ZSWIM5: variants seen among roughly 807,000 people sequenced by gnomAD.
The protein encoded by ZSWIM5 is zinc finger SWIM domain-containing protein 5.
ZSWIM5 carries 55 observed loss-of-function variants against 119.6 expected under a neutral mutation model. The observed-to-expected ratio is 0.46, with a 90% confidence interval of 0.37 to 0.58. The LOEUF (loss-of-function observed/expected upper bound fraction) is 0.58, where lower values mean the gene tolerates loss of function less well. Among genes scored for constraint, ZSWIM5 ranks in the 20% least tolerant of loss-of-function variants. ZSWIM5 has a pLI of 0.00. For synonymous variants in ZSWIM5, 537 were observed against 606.9 expected (o/e 0.88, Z 1.69); for missense variants, 1,193 against 1,512.8 (o/e 0.79, Z 3.51).
Position 45,044,766 on chromosome 1 carries a change from TATATATATAAATATATATATATAA to T in ZSWIM5, c.1433-1395_1433-1372del, listed in dbSNP as rs1557746431. On this transcript the variant is annotated intron_variant, in intron 5 of 13. Transcript: ENST00000359600. ...AAAAAAATATATATATATATATATA[TATATATATAAATATATATATATAA>T]ATATATATATATAAATATATATATA... Among the ~76,000 whole-genome samples the T allele has an allele frequency of 9.4e-3, 55 of 5,834 alleles. 16 individuals carry two copies. The South Asian group carries it at 0.15, about 16-fold the overall frequency. 3.8% of individuals were successfully genotyped at this position (5,834 alleles called of 152,430 possible).
intron 4 of ZSWIM5, 48 bp from the exon 5 acceptor site, chr1:45,051,301 T>C: frequency 6.7e-7 from 1 of 1,494,998 alleles, no homozygotes; most frequent in Non-Finnish European, 9.0e-7. Flanking sequence ...CTTTGATGTG[T>C]GTGTAAGCCT....
At chr1:45,102,951 C>T (rs1285745608) in intron 1 of ZSWIM5, among the ~76,000 whole-genome samples, 2 of 152,058 alleles carry the variant, frequency 1.3e-5, no homozygotes, top group Non-Finnish European at 2.9e-5. Context: ...CAACTTCGAC[C>T]TTCAGGGTCA....
intron 2 of ZSWIM5, among the ~76,000 whole-genome samples, chr1:45,087,547 T>C (rs975625772): frequency 2.0e-5 from 3 of 152,246 alleles, no homozygotes; most frequent in African/African-American, 7.2e-5. Flanking sequence ...CAAATTATTT[T>C]GTGCTTTCTT....
At chr1:45,195,494 A>G (rs1313764642) in intron 1 of ZSWIM5, among the ~76,000 whole-genome samples, 1 of 152,162 alleles carries the variant, frequency 6.6e-6, no homozygotes, top group Non-Finnish European at 1.5e-5. Context: ...AAGCATCCCA[A>G]AGTGCTGGGA....
chr1:45,085,179 C>T (rs1190023162), intron 2 of ZSWIM5, among the ~76,000 whole-genome samples: 2 of 152,236 alleles, frequency 1.3e-5, no homozygotes, highest in African/African-American at 4.8e-5. Context: ...CGGCCTAAGA[C>T]ATATCTGGGG....
Position 45,206,506 on chromosome 1 carries a change from C to G in ZSWIM5, c.-156G>C, listed in dbSNP as rs1219555959. Reference sequence around the variant, plus strand: ...GAGCCAGCCGGCCCGAGTGGGGAACCGCGGCCGGGCCCGGGAGCGCGCCGC... The same window carrying G: ...GAGCCAGCCGGCCCGAGTGGGGAACGGCGGCCGGGCCCGGGAGCGCGCCGC... On this transcript the variant is annotated 5_prime_UTR_variant, in exon 1 of 14. Coordinates refer to ENST00000359600, the MANE Select transcript of ZSWIM5 (RefSeq NM_020883.2). The G allele has an allele frequency of 5.4e-6, 6 of 1,104,992 alleles. No individual in the cohort carries two copies. Among genetic ancestry groups the G allele is most frequent in the Admixed American group, 1.0e-4 (2 of 19,666 alleles). The allele number at this position is 1,104,992 out of a possible 1,614,324, so 68.4% of individuals were successfully genotyped here.
At chr1:45,158,829 AG>A (rs1645846553) in intron 1 of ZSWIM5, among the ~76,000 whole-genome samples, 1 of 152,220 alleles carries the variant, frequency 6.6e-6, no homozygotes, top group Admixed American at 6.5e-5. Flanking sequence ...GAAGATATAA[AG>A]AATTAGGGCT....
chr1:45,185,753 G>A (rs573419052), intron 1 of ZSWIM5, among the ~76,000 whole-genome samples: 117 of 151,860 alleles, frequency 7.7e-4, no homozygotes, highest in African/African-American at 2.4e-3. Context: ...AGGAAACAAC[G>A]GGTGCTGGAG....
At chr1:45,139,693 G>GTTTT in intron 1 of ZSWIM5, among the ~76,000 whole-genome samples, 1 of 127,300 alleles carries the variant, frequency 7.9e-6, no homozygotes, top group Non-Finnish European at 1.7e-5. Flanking sequence ...TGCTTTCTTC[G>GTTTT]ATTTTTTTTT....
chr1:45,100,979 C>T (rs1645436431), intron 1 of ZSWIM5, among the ~76,000 whole-genome samples: 1 of 152,188 alleles, frequency 6.6e-6, no homozygotes, highest in Non-Finnish European at 1.5e-5. Context: ...CCATTCAGGA[C>T]ATAGGCATGG....
chr1:45,164,263 C>A (rs1483701161), intron 1 of ZSWIM5, among the ~76,000 whole-genome samples: 2 of 152,130 alleles, frequency 1.3e-5, no homozygotes, highest in South Asian at 2.1e-4. Flanking sequence ...TACAGACAAG[C>A]AAATGCTGAG....
intron 1 of ZSWIM5, among the ~76,000 whole-genome samples, chr1:45,096,960 C>T (rs1462978589): frequency 1.3e-5 from 2 of 152,152 alleles, no homozygotes; most frequent in African/African-American, 4.8e-5. Context: ...GCTCCAAGTG[C>T]GACTTAGGAA....
At chr1:45,185,392 T>C (rs1472477354) in intron 1 of ZSWIM5, among the ~76,000 whole-genome samples, 1 of 151,290 alleles carries the variant, frequency 6.6e-6, no homozygotes, top group Non-Finnish European at 1.5e-5. Flanking sequence ...AAGCCAAAAT[T>C]GACAAATGGG....
Position 45,160,989 on chromosome 1 carries a change from A to ATTTTTTTTTTTTTTTTTTTT in ZSWIM5, c.595+44766_595+44767insAAAAAAAAAAAAAAAAAAAA, listed in dbSNP as rs534599856. On this transcript the variant is annotated intron_variant, in intron 1 of 13. Transcript: ENST00000359600. ...AGCGCCTGCCACCATGCCCGGCTAA[A>ATTTTTTTTTTTTTTTTTTTT]TTTTTTTTTTTTTTTTTAGTAGAGA... 1.5e-4 allele frequency among the ~76,000 whole-genome samples: 18 copies of ATTTTTTTTTTTTTTTTTTTT among 122,658 alleles called. 2 individuals carry two copies. Among genetic ancestry groups the ATTTTTTTTTTTTTTTTTTTT allele is most frequent in the African/African-American group, 2.4e-4 (8 of 33,122 alleles). 80.5% of individuals were successfully genotyped at this position (122,658 alleles called of 152,430 possible). A position where few individuals can be genotyped will look rare whatever the true frequency, so the allele number is the denominator to read the frequency against.
chr1:45,066,715 C>T (rs139883026), intron 2 of ZSWIM5, among the ~76,000 whole-genome samples: 2 of 152,194 alleles, frequency 1.3e-5, no homozygotes, highest in Non-Finnish European at 2.9e-5. Context: ...GAAATTTGGA[C>T]TCGATCCTAA....
At chr1:45,049,087 C>T (rs1009534572) in intron 5 of ZSWIM5, among the ~76,000 whole-genome samples, 7 of 152,092 alleles carry the variant, frequency 4.6e-5, no homozygotes, top group African/African-American at 9.7e-5. Flanking sequence ...GACGAGATCA[C>T]GCCACTTCAC....
intron 1 of ZSWIM5, among the ~76,000 whole-genome samples, chr1:45,123,396 C>G (rs1017647369): frequency 6.6e-6 from 1 of 152,124 alleles, no homozygotes; most frequent in South Asian, 2.1e-4. Flanking sequence ...AATAGAATCT[C>G]TCAGCAGAGA....
rs143732609 is a variant in ZSWIM5 at position 45,089,167 on chromosome 1, G to C, written c.596-930C>G. ...GACTCATTTTTGTATTTTTAGTGCAGACGGGGTTTTACCATGTTGCCCAGG... is the reference window on the plus strand; with the variant it reads ...GACTCATTTTTGTATTTTTAGTGCACACGGGGTTTTACCATGTTGCCCAGG... On this transcript the variant is annotated intron_variant, in intron 1 of 13. Transcript: ENST00000359600. Among the ~76,000 whole-genome samples the C allele has an allele frequency of 2.7e-3, 411 of 152,262 alleles. 2 individuals are homozygous for C. Among genetic ancestry groups the C allele is most frequent in the African/African-American group, 9.2e-3 (384 of 41,534 alleles).
At chr1:45,036,712 G>A (rs1219235253) in intron 8 of ZSWIM5, among the ~76,000 whole-genome samples, 1 of 152,010 alleles carries the variant, frequency 6.6e-6, no homozygotes, top group Non-Finnish European at 1.5e-5. Flanking sequence ...AGCTATCATA[G>A]GGAAGCTGAA....
Sources: allele counts gnomAD v4.1 joint callset (sites outside exome capture counted in the v4.1 genomes callset), GRCh38; gene constraint gnomAD v4.1.1; transcripts MANE v1.5; gene names NCBI Gene and HGNC (gene_info 2026-07-23, HGNC 2026-07-21).